The following NIN variants were observed in gnomAD, a reference collection of about 807,000 sequenced individuals.
NIN encodes the protein ninein.
NIN carries 137 observed loss-of-function variants against 257.6 expected under a neutral mutation model. The observed-to-expected ratio is 0.53, with a 90% CI of 0.46 to 0.61. The LOEUF (loss-of-function observed/expected upper bound fraction) is 0.61. NIN is among the 20% of genes least tolerant of loss of function. The pLI is 0.00. For missense variants in NIN, 2,439 were observed against 2,501.2 expected, an observed-to-expected ratio of 0.98 and a Z score of 0.53; for synonymous variants, 918 against 919.8, an observed-to-expected ratio of 1.00 and a Z score of 0.04.
Position 50,757,358 on chromosome 14 carries a change from T to C in NIN, c.3672A>G (p.Leu1224=), listed in dbSNP as rs756229692. ...TTTTTAGCACAGAAACATCAAAAAG[T>C]AGGTCCTGTTTCTTTTCAGAAGCTC... ...CDRASEKKQD[L]LFDVSVLKKK... The change falls in exon 18 of 31, where the codon CTA becomes CTG. Residue 1224 remains leucine, a synonymous_variant. Transcript: ENST00000530997. 2.5e-6 allele frequency: 4 copies of C among 1,613,824 alleles called. No individual in the cohort carries two copies. The South Asian group carries it at 4.4e-5, about 18-fold the overall frequency.
chr14:50,722,398 C>G lies in NIN; in HGVS notation c.*1065G>C, dbSNP rs1242796109. ...CAGGTTTTTAACCCTAAAATCAAGG[C>G]CTTTTTTCCCCCAGAATATTAAATT... On this transcript the variant is annotated 3_prime_UTR_variant, in exon 31 of 31. Coordinates refer to ENST00000530997, the MANE Select transcript of NIN (RefSeq NM_020921.4). 3 of 212,668 alleles carry G rather than the reference C, an allele frequency of 1.4e-5. No individual in the cohort carries two copies. The East Asian group carries it at 2.1e-4, about 15-fold the overall frequency. The allele number at this position is 212,668 out of a possible 1,614,324, so 13.2% of individuals were successfully genotyped here.
intron 16 of NIN, among the ~76,000 whole-genome samples, chr14:50,761,189 T>C (rs559792172): frequency 1.3e-5 from 2 of 152,028 alleles, no homozygotes; most frequent in South Asian, 4.2e-4. Context: ...GGGAAAAAAA[T>C]CACATTTTAG....
Position 50,822,096 on chromosome 14 carries a change from C to A in NIN, c.-21-19G>T, listed in dbSNP as rs750887567. The A allele has an allele frequency of 3.8e-6, 6 of 1,576,634 alleles. No homozygotes were observed. The South Asian group carries it at 5.7e-5, about 15-fold the overall frequency. On this transcript the variant is annotated intron_variant, in intron 2 of 30. Coordinates refer to ENST00000530997, the MANE Select transcript of NIN (RefSeq NM_020921.4). ...TGCTCACCTGTGTGTAAGACAGAGA[C>A]AAGGACAGGTTGTGGCAGCCTCTCC...
At chr14:50,794,864 G>A (rs1315068444) in intron 4 of NIN, among the ~76,000 whole-genome samples, 2 of 151,742 alleles carry the variant, frequency 1.3e-5, no homozygotes, top group African/African-American at 4.8e-5. Flanking sequence ...TTCCCTGGTT[G>A]TTTACTACTC....
chr14:50,726,095 A>G, intron 29 of NIN, 29 bp from the exon 30 acceptor site: 1 of 1,539,268 alleles, frequency 6.5e-7, no homozygotes, highest in Non-Finnish European at 9.0e-7. Context: ...TATTATTCGA[A>G]AATCATGTCA....
In NIN at chr14:50,732,620, A is replaced by C. The variant is rs1339596657; in HGVS notation, c.5877+2896T>G. ...TCTATGTTAGGTATATATTTATCACAGGTTAAAAATTAATATACTAAAAAC... is the reference window on the plus strand; with the variant it reads ...TCTATGTTAGGTATATATTTATCACCGGTTAAAAATTAATATACTAAAAAC... On this transcript the variant is annotated intron_variant, in intron 28 of 30. Transcript: ENST00000530997. 3.3e-5 allele frequency among the ~76,000 whole-genome samples: 5 copies of C among 152,260 alleles called. No homozygotes were observed. The South Asian group carries it at 6.2e-4, about 19-fold the overall frequency.
chr14:50,769,164 G>T (rs963837638), intron 12 of NIN, among the ~76,000 whole-genome samples: 3 of 152,174 alleles, frequency 2.0e-5, no homozygotes, highest in African/African-American at 7.2e-5. Context: ...CACTGTATGT[G>T]CCTCATCTCA....
At chr14:50,777,788 C>A (rs2042978151) in intron 6 of NIN, among the ~76,000 whole-genome samples, 1 of 152,150 alleles carries the variant, frequency 6.6e-6, no homozygotes, top group Non-Finnish European at 1.5e-5. Flanking sequence ...ATCAAAACTT[C>A]TTATTTATTC....
Position 50,772,356 on chromosome 14 carries a change from C to T in NIN, c.926G>A (p.Arg309Lys). Reference protein sequence around the residue: ...DDGMGHASVERILDTWQEEGI... With the variant: ...DDGMGHASVEKILDTWQEEGI... Reference sequence around the variant, plus strand: ...CTCTTCCTGCCAGGTGTCCAGTATTCTCTCCACAGATGCATGGCCCATCCC... The same window carrying T: ...CTCTTCCTGCCAGGTGTCCAGTATTTTCTCCACAGATGCATGGCCCATCCC... Residue 309 changes from arginine (R) to lysine (K), a missense_variant, in exon 9 of 31, where the codon AGA (arginine) becomes AAA (lysine). By Grantham distance (26) the Arg-to-Lys change is conservative. Coordinates refer to ENST00000530997, the MANE Select transcript of NIN (RefSeq NM_020921.4). 6.2e-7 allele frequency: 1 copy of T among 1,613,860 alleles called. No homozygotes were observed. Among genetic ancestry groups the T allele is most frequent in the South Asian group, 1.1e-5 (1 of 91,050 alleles).
chr14:50,788,931 C>T (rs935900639), intron 5 of NIN, among the ~76,000 whole-genome samples: 1 of 152,102 alleles, frequency 6.6e-6, no homozygotes, highest in Non-Finnish European at 1.5e-5. Context: ...TTGTCTTCAT[C>T]ACAAAAAGAA....
Position 50,830,048 on chromosome 14 carries a change from T to C in NIN, c.-22+416A>G, listed in dbSNP as rs117685099. ...CGCACACCTCCAAAAATCTCCACTT[T>C]CCGGGCTCCAAGCAGCTCTCCGCTA... On this transcript the variant is annotated intron_variant, in intron 2 of 30. Coordinates refer to ENST00000530997, the MANE Select transcript of NIN (RefSeq NM_020921.4). 9.8e-5 allele frequency among the ~76,000 whole-genome samples: 15 copies of C among 152,302 alleles called. No homozygotes were observed. The East Asian group carries it at 2.3e-3, about 24-fold the overall frequency.
chr14:50,725,521 A>C (rs1182515217), intron 30 of NIN, among the ~76,000 whole-genome samples: 1 of 152,102 alleles, frequency 6.6e-6, no homozygotes, highest in Non-Finnish European at 1.5e-5. Context: ...AGTTCCATTT[A>C]TTATCCCCCT....
At position 50,771,021 on chromosome 14, in the gene NIN, G is replaced by A. The variant is rs1417353558; in HGVS notation, c.1119-29C>T. ...GGATCAGAAGTACACTGAGTTAATG[G>A]GAAACTGTTTCTAAGCAACAAGTAG... On this transcript the variant is annotated intron_variant, in intron 10 of 30. Coordinates refer to ENST00000530997, the MANE Select transcript of NIN (RefSeq NM_020921.4). 5 of 1,604,728 alleles carry A rather than the reference G, an allele frequency of 3.1e-6. No homozygotes were observed. The African/African-American group carries it at 5.4e-5, about 17-fold the overall frequency.
rs375323558 is a variant in NIN at position 50,741,707 on chromosome 14, C to T, written c.5323G>A (p.Val1775Met). The T allele has an allele frequency of 6.8e-5, 109 of 1,613,736 alleles. No individual in the cohort carries two copies. Among genetic ancestry groups the T allele is most frequent in the African/African-American group, 2.7e-4 (20 of 75,026 alleles). ...QEKVQNLEDT[V>M]QNVNLQMSRM... ...GACATTTGCAGGTTTACATTCTGCA[C>T]GGTGTCTTCTAAATTCTGAACCTGT... The change falls in exon 25 of 31, where the codon GTG becomes ATG. Residue 1775 changes from valine to methionine, a missense_variant. Physicochemically the swap from Val to Met is conservative, Grantham distance 21. Transcript: ENST00000530997.
At chr14:50,724,740 C>T (rs2040348133) in intron 30 of NIN, among the ~76,000 whole-genome samples, 1 of 152,184 alleles carries the variant, frequency 6.6e-6, no homozygotes, top group Admixed American at 6.5e-5. Flanking sequence ...CCACACCCCA[C>T]ATGTGGTCAT....
chr14:50,770,684 A>T, intron 11 of NIN, 122 bp from the exon 12 acceptor site: 1 of 1,364,250 alleles, frequency 7.3e-7, no homozygotes, highest in Non-Finnish European at 1.0e-6. Context: ...TATCTAGTGT[A>T]CCCTGCTTTC....
At chr14:50,811,109 T>C (rs1398375161) in intron 3 of NIN, among the ~76,000 whole-genome samples, 1 of 148,530 alleles carries the variant, frequency 6.7e-6, no homozygotes, top group Non-Finnish European at 1.5e-5. Flanking sequence ...CTGAAGCTAT[T>C]ACTTTTTTTT....
At chr14:50,782,648 T>C (rs1426347060) in intron 5 of NIN, among the ~76,000 whole-genome samples, 2 of 152,368 alleles carry the variant, frequency 1.3e-5, no homozygotes, top group South Asian at 2.1e-4. Flanking sequence ...TTTACTGTTA[T>C]AAATGTTGTT....
intron 3 of NIN, among the ~76,000 whole-genome samples, chr14:50,818,075 G>A (rs368043042): frequency 3.3e-5 from 5 of 151,134 alleles, no homozygotes; most frequent in African/African-American, 1.2e-4. Context: ...TGTAACCCCA[G>A]CACTTTGGGA....
Sources: allele counts gnomAD v4.1 joint callset (sites outside exome capture counted in the v4.1 genomes callset), GRCh38; gene constraint gnomAD v4.1.1; transcripts MANE v1.5; gene names NCBI Gene and HGNC (gene_info 2026-07-23, HGNC 2026-07-21).